Variants in MARK3 observed in about 807,000 individuals in gnomAD.
MARK3 encodes MAP/microtubule affinity-regulating kinase 3.
In MARK3, 46 loss-of-function variants were observed where a neutral mutation model predicts 90.1. That is an observed-to-expected ratio of 0.51 (90% CI 0.40 to 0.65). The LOEUF (loss-of-function observed/expected upper bound fraction) is 0.65, where lower values mean the gene tolerates loss of function less well. Among genes scored for constraint, MARK3 ranks in the 30% least tolerant of loss-of-function variants. The pLI, the probability that MARK3 is intolerant of heterozygous loss-of-function variation, is 0.00. For missense variants in MARK3, 818 were observed against 947.2 expected (o/e 0.86, Z 1.79); for synonymous variants, 321 against 332.6 (o/e 0.97, Z 0.38).
Position 103,491,911 on chromosome 14 carries a change from C to G in MARK3, c.1721C>G (p.Thr574Ser). 6.2e-7 allele frequency: 1 copy of G among 1,614,194 alleles called. No homozygotes were observed. The highest frequency in any genetic ancestry group is 1.1e-5 in the South Asian group (1 of 91,086). Residue 574 changes from threonine to serine, a missense_variant, in exon 15 of 18, where the codon ACC (threonine) becomes AGC (serine). Around this residue, in one of 3 missense-constraint regions of MARK3, gnomAD observed 560 missense variants for 613.5 expected, o/e 0.91. Coordinates refer to ENST00000429436, the MANE Select transcript of MARK3 (RefSeq NM_001128918.3). The stretch of plus-strand genomic sequence containing the variant: ...CACGGCCAGCCCCGGGAACGGCGAA[C>G]CGCAACATATAATGGCCCTCCTGCC... ...TFHGQPRERR[T>S]ATYNGPPASP...
At chr14:103,444,030 C>A (rs192291032) in intron 3 of MARK3, among the ~76,000 whole-genome samples, 24 of 151,598 alleles carry the variant, frequency 1.6e-4, no homozygotes, top group Middle Eastern at 3.4e-3. Flanking sequence ...ATGTCTGTAA[C>A]CCCCGTGTTC....
chr14:103,417,711 A>G (rs61296144), intron 2 of MARK3, among the ~76,000 whole-genome samples: 1,598 of 152,130 alleles, frequency 0.011, 22 homozygotes, highest in African/African-American at 0.037. Context: ...TCTATCTTCT[A>G]TCTCTATGTT....
chr14:103,402,920 C>T (rs2091049132), intron 1 of MARK3, among the ~76,000 whole-genome samples: 1 of 151,830 alleles, frequency 6.6e-6, no homozygotes, highest in Non-Finnish European at 1.5e-5. Flanking sequence ...GAGTCAGCAA[C>T]AAGTTGTTTC....
rs143763758 is a variant in MARK3, at chr14:103,465,133, G to T, written c.541-424G>T. Among the ~76,000 whole-genome samples the T allele has an allele frequency of 2.6e-3, 402 of 152,048 alleles. 3 individuals are homozygous for T. Among genetic ancestry groups the T allele is most frequent in the African/African-American group, 9.3e-3 (386 of 41,484 alleles). ...CAGGTGTGTACCACCACACCCAGCT[G>T]ATTTTTGTATTTTTAGTAAAGACAG... On this transcript the variant is annotated intron_variant, in intron 7 of 17. Coordinates refer to ENST00000429436, the MANE Select transcript of MARK3 (RefSeq NM_001128918.3).
At chr14:103,454,053 G>C (rs746044911) in intron 5 of MARK3, among the ~76,000 whole-genome samples, 2 of 152,206 alleles carry the variant, frequency 1.3e-5, no homozygotes, top group African/African-American at 4.8e-5. Flanking sequence ...AGTAGAAAGA[G>C]GATGGGCTCT....
intron 2 of MARK3, among the ~76,000 whole-genome samples, chr14:103,416,736 C>T (rs1420104886): frequency 1.3e-5 from 2 of 152,074 alleles, no homozygotes; most frequent in East Asian, 3.9e-4. Context: ...CGCACCACTG[C>T]AGTCCAGCCT....
chr14:103,450,071 T>G (rs1486627130), intron 4 of MARK3, among the ~76,000 whole-genome samples: 1 of 152,210 alleles, frequency 6.6e-6, no homozygotes, highest in Non-Finnish European at 1.5e-5. Context: ...TTAAAGGTGT[T>G]CTTGTTTCCT....
chr14:103,425,272 A>ATTTT (rs1347848003), intron 2 of MARK3, among the ~76,000 whole-genome samples: 13 of 146,208 alleles, frequency 8.9e-5, no homozygotes, highest in African/African-American at 3.3e-4. Context: ...TTATTTATTT[A>ATTTT]TTTATTTGAT....
At chr14:103,402,545 T>TTAAA (rs2091027194) in intron 1 of MARK3, among the ~76,000 whole-genome samples, 1 of 70,518 alleles carries the variant, frequency 1.4e-5, no homozygotes, top group Non-Finnish European at 3.0e-5. Flanking sequence ...AGACTCCATC[T>TTAAA]CAAAAAAAAA....
At chr14:103,430,919 C>A (rs553599761) in intron 3 of MARK3, among the ~76,000 whole-genome samples, 1 of 151,624 alleles carries the variant, frequency 6.6e-6, no homozygotes. Context: ...AGGCTGGACT[C>A]GAACTCCTGG....
intron 14 of MARK3, among the ~76,000 whole-genome samples, chr14:103,487,504 T>A (rs1595908879): frequency 6.6e-6 from 1 of 151,976 alleles, no homozygotes; most frequent in Non-Finnish European, 1.5e-5. Flanking sequence ...TGCAGCACCC[T>A]CCTGCCTGCA....
chr14:103,443,650 G>A (rs1043759586), intron 3 of MARK3, among the ~76,000 whole-genome samples: 4 of 152,144 alleles, frequency 2.6e-5, no homozygotes, highest in Admixed American at 1.3e-4. Context: ...GGAAGGGGTC[G>A]TCTTTAAAAT....
At chr14:103,393,783 A>G (rs1383927106) in intron 1 of MARK3, among the ~76,000 whole-genome samples, 2 of 150,274 alleles carry the variant, frequency 1.3e-5, no homozygotes, top group Non-Finnish European at 2.9e-5. Context: ...TTTTTGAGAC[A>G]GAGTTTCACT....
At chr14:103,482,881 T>A (rs1166586167) in intron 14 of MARK3, among the ~76,000 whole-genome samples, 1 of 152,214 alleles carries the variant, frequency 6.6e-6, no homozygotes, top group Non-Finnish European at 1.5e-5. Flanking sequence ...TCGTTGCTTC[T>A]CTTAGCATCA....
intron 5 of MARK3, among the ~76,000 whole-genome samples, chr14:103,452,353 A>G (rs899143776): frequency 6.6e-6 from 1 of 151,822 alleles, no homozygotes; most frequent in South Asian, 2.1e-4. Flanking sequence ...CTCTATACCC[A>G]TTAAACACTA....
At chr14:103,416,177 A>C (rs2091936270) in intron 2 of MARK3, among the ~76,000 whole-genome samples, 1 of 152,246 alleles carries the variant, frequency 6.6e-6, no homozygotes, top group Non-Finnish European at 1.5e-5. Context: ...TATCTTTCAA[A>C]TATTTTGCAG....
chr14:103,492,618 T>A (rs544506408), intron 15 of MARK3, among the ~76,000 whole-genome samples: 1 of 152,330 alleles, frequency 6.6e-6, no homozygotes, highest in South Asian at 2.1e-4. Flanking sequence ...ATAATGTTAC[T>A]ATTATTAAGT....
chr14:103,487,408 A>G (rs1270934239), intron 14 of MARK3, among the ~76,000 whole-genome samples: 2 of 151,664 alleles, frequency 1.3e-5, no homozygotes, highest in Admixed American at 1.3e-4. Flanking sequence ...TTTTTCTGCA[A>G]AGCATCTGTC....
intron 12 of MARK3, among the ~76,000 whole-genome samples, chr14:103,470,589 G>A (rs2093610034): frequency 6.7e-6 from 1 of 150,132 alleles, no homozygotes; most frequent in African/African-American, 2.5e-5. Context: ...CCGAGTAGCT[G>A]GGACTACAGG....
Sources: allele counts gnomAD v4.1 joint callset (sites outside exome capture counted in the v4.1 genomes callset), GRCh38; gene constraint gnomAD v4.1.1; regional missense constraint gnomAD v4.1.1; transcripts MANE v1.5; gene names NCBI Gene and HGNC (gene_info 2026-07-23, HGNC 2026-07-21).